SCHIP1: variants seen among roughly 807,000 people sequenced by gnomAD.
SCHIP1 encodes the protein schwannomin interacting protein 1.
A neutral mutation model predicts 29.7 loss-of-function variants in SCHIP1; 8 were observed. The observed-to-expected ratio is 0.27, with a 90% CI of 0.16 to 0.49. The LOEUF is 0.49. Among genes scored for constraint, SCHIP1 ranks in the 20% least tolerant of loss-of-function variants. SCHIP1 has a pLI of 0.99. For missense variants in SCHIP1, 193 were observed against 294.6 expected (o/e 0.66, Z 2.52); for synonymous variants, 76 against 94.9 (o/e 0.80, Z 1.16).
the SCHIP1 span, among the ~76,000 whole-genome samples, chr3:159,633,860 T>G: frequency 6.6e-6 from 1 of 152,266 alleles, no homozygotes; most frequent in African/African-American, 2.4e-5. Context: ...TTGGAAAATA[T>G]TAGTGATAGG....
At chr3:159,863,916 C>G (rs1714332557) in intron 1 of SCHIP1, among the ~76,000 whole-genome samples, 1 of 152,202 alleles carries the variant, frequency 6.6e-6, no homozygotes, top group Admixed American at 6.5e-5. Context: ...TTCACACATT[C>G]ATACCCTGGG....
the SCHIP1 span, among the ~76,000 whole-genome samples, chr3:159,629,349 A>AT: frequency 1.6e-4 from 24 of 152,288 alleles, no homozygotes; most frequent in African/African-American, 5.5e-4. Context: ...AGTCTTCTCC[A>AT]TTTGCTTATT....
the SCHIP1 span, among the ~76,000 whole-genome samples, chr3:159,648,087 C>A: frequency 6.6e-6 from 1 of 152,162 alleles, no homozygotes; most frequent in Non-Finnish European, 1.5e-5. Flanking sequence ...AAGGAGGCTG[C>A]AAGAGCTTCC....
At chr3:159,886,598 T>TA (rs148237203) in intron 3 of SCHIP1, 3 of 304,110 alleles carry the variant, frequency 9.9e-6, no homozygotes, top group South Asian at 3.7e-5. Context: ...CCTGTCTCTA[T>TA]AAAAAAATAC....
At chr3:159,294,905 C>G in the SCHIP1 span, among the ~76,000 whole-genome samples, 1 of 152,036 alleles carries the variant, frequency 6.6e-6, no homozygotes, top group South Asian at 2.1e-4. Flanking sequence ...TAGGAATACT[C>G]TTCATAAGCA....
the SCHIP1 span, among the ~76,000 whole-genome samples, chr3:159,286,431 CCAT>C: frequency 2.6e-5 from 4 of 152,262 alleles, no homozygotes; most frequent in East Asian, 5.8e-4. Context: ...GTTTAGTATT[CCAT>C]GGTGTATATA....
chr3:159,858,406 G>GT (rs1713645625), intron 1 of SCHIP1, among the ~76,000 whole-genome samples: 1 of 152,140 alleles, frequency 6.6e-6, no homozygotes, highest in Admixed American at 6.5e-5. Context: ...GGTTCCCATT[G>GT]TAAGTGGCTA....
chr3:159,422,770 G>A, the SCHIP1 span, among the ~76,000 whole-genome samples: 2 of 152,156 alleles, frequency 1.3e-5, no homozygotes, highest in African/African-American at 4.8e-5. Flanking sequence ...GATTTATAAA[G>A]TTAGAGGTCA....
chr3:159,544,242 T>G, the SCHIP1 span, among the ~76,000 whole-genome samples: 1 of 152,054 alleles, frequency 6.6e-6, no homozygotes, highest in African/African-American at 2.4e-5. Context: ...ATGAGATTAC[T>G]CCATGTAATC....
At chr3:159,367,963 ACTG>A in the SCHIP1 span, among the ~76,000 whole-genome samples, 6 of 152,194 alleles carry the variant, frequency 3.9e-5, no homozygotes, top group Non-Finnish European at 8.8e-5. Flanking sequence ...ATAGCACATT[ACTG>A]CTTTCATATA....
At chr3:159,504,159 G>A in the SCHIP1 span, among the ~76,000 whole-genome samples, 1 of 152,156 alleles carries the variant, frequency 6.6e-6, no homozygotes, top group Non-Finnish European at 1.5e-5. Flanking sequence ...AAAGATGATA[G>A]GAGCCCAAAC....
the SCHIP1 span, among the ~76,000 whole-genome samples, chr3:159,345,635 A>C: frequency 6.6e-6 from 1 of 150,786 alleles, no homozygotes; most frequent in African/African-American, 2.5e-5. Context: ...ACCGATCCTC[A>C]CTGTGGTTTC....
At chr3:159,765,178 C>T in the SCHIP1 span, 5 of 1,519,102 alleles carry the variant, frequency 3.3e-6, no homozygotes, top group Non-Finnish European at 2.6e-6. Flanking sequence ...CGCACACACG[C>T]GTACACACCC....
the SCHIP1 span, among the ~76,000 whole-genome samples, chr3:159,622,507 T>C: frequency 6.6e-6 from 1 of 152,358 alleles, no homozygotes; most frequent in Admixed American, 6.5e-5. Context: ...GTTCTTTTTA[T>C]CTCAAGATCG....
chr3:159,332,676 A>C, the SCHIP1 span, among the ~76,000 whole-genome samples: 1 of 152,154 alleles, frequency 6.6e-6, no homozygotes, highest in Non-Finnish European at 1.5e-5. Flanking sequence ...ATGGGAATGA[A>C]TATCCATGGT....
chr3:159,537,956 A>T, the SCHIP1 span, among the ~76,000 whole-genome samples: 1 of 152,158 alleles, frequency 6.6e-6, no homozygotes, highest in Non-Finnish European at 1.5e-5. Context: ...GCACAAACTC[A>T]TTTAACTCTT....
the SCHIP1 span, among the ~76,000 whole-genome samples, chr3:159,312,315 G>C: frequency 6.6e-6 from 1 of 152,130 alleles, no homozygotes; most frequent in African/African-American, 2.4e-5. Context: ...GTGAGAAAGT[G>C]GTGATCTATG....
chr3:159,823,040 G>A, the SCHIP1 span, among the ~76,000 whole-genome samples: 4 of 152,088 alleles, frequency 2.6e-5, no homozygotes, highest in African/African-American at 9.7e-5. Context: ...AAGGACTTAT[G>A]ATGGACTTGG....
the SCHIP1 span, among the ~76,000 whole-genome samples, chr3:159,434,180 A>C: frequency 4.6e-5 from 7 of 152,236 alleles, no homozygotes; most frequent in African/African-American, 1.7e-4. Context: ...ACGATGTGCC[A>C]GGCACATTGC....
Sources: gnomAD v4.1 joint callset for allele counts (sites outside exome capture counted in the v4.1 genomes callset) on GRCh38, gnomAD v4.1.1 for gene constraint, MANE v1.5 for transcripts, NCBI Gene and HGNC (gene_info 2026-07-23, HGNC 2026-07-21) for gene names.